CEP295: variants seen among roughly 807,000 people sequenced by gnomAD.
CEP295 encodes the protein centrosomal protein of 295 kDa.
Under a neutral mutation model 291.6 loss-of-function variants are expected in CEP295, and 190 were observed. That is an observed-to-expected ratio of 0.65 (90% CI 0.58 to 0.73). The LOEUF (loss-of-function observed/expected upper bound fraction) is 0.73, where lower values mean the gene tolerates loss of function less well. CEP295 is among the 30% of genes least tolerant of loss of function. CEP295 has a pLI of 0.00. For synonymous variants in CEP295, 993 were observed against 1,038.8 expected, an observed-to-expected ratio of 0.96 and a Z score of 0.85; for missense variants, 2,863 against 2,949.4, an observed-to-expected ratio of 0.97 and a Z score of 0.68.
Position 93,697,062 on chromosome 11 carries a change from A to G in CEP295, c.2150A>G (p.Glu717Gly). 1 of 1,551,658 alleles carries G rather than the reference A, an allele frequency of 6.4e-7. No homozygotes were observed. Among genetic ancestry groups the G allele is most frequent in the Non-Finnish European group, 8.7e-7 (1 of 1,146,996 alleles). ...CATCTAAGGCAATTCTCTCAGACTG[A>G]AACACAACAGAGAGACTATAAATTG... is the stretch of plus-strand genomic sequence containing the variant. ...QEHLRQFSQT[E>G]TQQRDYKLVP... Residue 717 changes from glutamate to glycine, a missense_variant, in exon 15 of 30, where the codon GAA (glutamate) becomes GGA (glycine). Physicochemically the swap from Glu to Gly is moderately conservative, Grantham distance 98. Coordinates refer to ENST00000325212, the MANE Select transcript of CEP295 (RefSeq NM_033395.2).
At chr11:93,726,334 A>G (rs1421000074) in intron 23 of CEP295, among the ~76,000 whole-genome samples, 1 of 152,168 alleles carries the variant, frequency 6.6e-6, no homozygotes, top group East Asian at 1.9e-4. Flanking sequence ...GGGTTTCACT[A>G]TGTTGGTCAG....
Position 93,721,408 on chromosome 11 carries a change from ATAAGGTTAG to A in CEP295, c.5850_5850+8del. 6.3e-7 allele frequency: 1 copy of A among 1,580,100 alleles called. No individual in the cohort carries two copies. The highest frequency in any genetic ancestry group is 8.7e-7 in the Non-Finnish European group (1 of 1,150,594). ...TTGGGTCCAACTGTGAAGCCAGATG[ATAAGGTTAG>A]TAATGTCTTAATGTTCACTCGATTT... On this transcript the variant is annotated splice_donor_variant and splice_donor_5th_base_variant and coding_sequence_variant and intron_variant, in exon 19 of 30. Transcript: ENST00000325212. LOFTEE classifies it high-confidence loss of function.
rs1253308906 is a variant in CEP295, at chr11:93,698,648, G to A, written c.3736G>A (p.Val1246Ile). ...IPRCQERLLR[V>I]SQHMLPLQDN... Reference sequence around the variant, plus strand: ...AAGATGTCAGGAAAGACTTTTGAGAGTTTCACAACATATGCTACCTCTACA... The same window carrying A: ...AAGATGTCAGGAAAGACTTTTGAGAATTTCACAACATATGCTACCTCTACA... Residue 1246 changes from valine to isoleucine, a missense_variant, in exon 15 of 30, where the codon GTT (valine) becomes ATT (isoleucine). Transcript: ENST00000325212. The A allele has an allele frequency of 6.4e-7, 1 of 1,550,796 alleles. No individual in the cohort carries two copies. Among genetic ancestry groups the A allele is most frequent in the Non-Finnish European group, 8.7e-7 (1 of 1,147,104 alleles).
rs1952258393 is a variant in CEP295 at position 93,702,835 on chromosome 11, A to G, written c.5512A>G (p.Lys1838Glu). ...CTCAAAGCCACCTGTAGCAAAAGTC[A>G]AATGTGGTTTGGACTTAAACCAGCA... ...RSSKPPVAKV[K>E]CGLDLNQHEL... The change falls in exon 17 of 30, where the codon AAA becomes GAA. Residue 1838 changes from lysine (K) to glutamate (E), a missense_variant. Coordinates refer to ENST00000325212, the MANE Select transcript of CEP295 (RefSeq NM_033395.2). 6.4e-7 allele frequency: 1 copy of G among 1,551,890 alleles called. No individual in the cohort carries two copies.
intron 22 of CEP295, among the ~76,000 whole-genome samples, chr11:93,725,169 C>A: frequency 6.6e-6 from 1 of 151,842 alleles, no homozygotes; most frequent in African/African-American, 2.4e-5. Context: ...ACCGCTTGAA[C>A]CTGGGAGGCA....
chr11:93,699,437 C>T lies in CEP295; in HGVS notation c.4525C>T (p.Gln1509Ter), dbSNP rs1477355883. ...TCACCATGGTGATTTGCAGGCACTT[C>T]AACAGCAGTTAGATACACAGAAGAA... ...QSHHGDLQAL[Q>*]QQLDTQKKAI... The change falls in exon 15 of 30, where the codon CAA (glutamine) becomes TAA (stop). Residue 1509 changes from glutamine to a stop codon, truncating the protein, a stop_gained. Coordinates refer to ENST00000325212, the MANE Select transcript of CEP295 (RefSeq NM_033395.2). LOFTEE classifies it high-confidence loss of function. 6.4e-7 allele frequency: 1 copy of T among 1,551,578 alleles called. No homozygotes were observed. The highest frequency in any genetic ancestry group is 2.0e-5 in the Admixed American group (1 of 50,974).
At position 93,698,269 on chromosome 11, in the gene CEP295, G is replaced by A. The variant is rs1449096098; in HGVS notation, c.3357G>A (p.Glu1119=). 3 of 1,551,844 alleles carry A rather than the reference G, an allele frequency of 1.9e-6. No homozygotes were observed. The highest frequency in any genetic ancestry group is 2.0e-5 in the Admixed American group (1 of 51,000). ...SVASQASAKA[E]PRRIQELYLS... The stretch of plus-strand genomic sequence containing the variant: ...CTTCACAAGCTTCTGCTAAAGCTGA[G>A]CCTAGGAGAATTCAGGAGCTTTATT... Residue 1119 remains glutamate (E), a synonymous_variant, in exon 15 of 30, where the codon GAG becomes GAA. Coordinates refer to ENST00000325212, the MANE Select transcript of CEP295 (RefSeq NM_033395.2).
At chr11:93,701,828 T>A (rs1347733537) in intron 15 of CEP295, among the ~76,000 whole-genome samples, 1 of 152,080 alleles carries the variant, frequency 6.6e-6, no homozygotes, top group Admixed American at 6.6e-5. Context: ...GGTTTCAATC[T>A]CCTGACATCA....
chr11:93,663,421 C>T (rs1172651465), intron 1 of CEP295, among the ~76,000 whole-genome samples: 5 of 152,176 alleles, frequency 3.3e-5, no homozygotes, highest in South Asian at 4.1e-4. Context: ...CCCATCTTAG[C>T]GTCTGCTTTT....
chr11:93,667,575 T>G, intron 2 of CEP295, 32 bp from the exon 3 acceptor site: 6 of 1,462,834 alleles, frequency 4.1e-6, no homozygotes, highest in Non-Finnish European at 5.5e-6. Context: ...TAAACCTCCT[T>G]TCATATAACC....
rs548177526 is a variant in CEP295, at chr11:93,721,009, T to C, written c.5750-303T>C. On this transcript the variant is annotated intron_variant, in intron 18 of 29. Coordinates refer to ENST00000325212, the MANE Select transcript of CEP295 (RefSeq NM_033395.2). Reference sequence around the variant, plus strand: ...CCACTTAAAACAGTGGCAAAAGCATTTCTCATCACACTGGTTCTTTTCTAG... The same window carrying C: ...CCACTTAAAACAGTGGCAAAAGCATCTCTCATCACACTGGTTCTTTTCTAG... Among the ~76,000 whole-genome samples, 17 of 152,376 alleles carry C rather than the reference T, an allele frequency of 1.1e-4. No homozygotes were observed. In the South Asian group the frequency reaches 2.1e-3, roughly 19 times the overall value.
chr11:93,699,736 T>C lies in CEP295; in HGVS notation c.4824T>C (p.Asp1608=). ...PQQDNMTAQL[D]AQREVMYSYE... is the part of the protein sequence containing the mutation. Reference sequence around the variant, plus strand: ...AAGATAATATGACAGCACAATTGGATGCACAAAGGGAAGTGATGTATTCTT... The same window carrying C: ...AAGATAATATGACAGCACAATTGGACGCACAAAGGGAAGTGATGTATTCTT... Residue 1608 remains aspartate (D), a synonymous_variant, in exon 15 of 30, where the codon GAT becomes GAC. Transcript: ENST00000325212. The C allele has an allele frequency of 6.4e-7, 1 of 1,551,902 alleles. No homozygotes were observed. Among genetic ancestry groups the C allele is most frequent in the Non-Finnish European group, 8.7e-7 (1 of 1,147,020 alleles).
intron 18 of CEP295, among the ~76,000 whole-genome samples, chr11:93,708,255 C>A (rs933083761): frequency 1.5e-4 from 23 of 152,216 alleles, no homozygotes; most frequent in African/African-American, 5.5e-4. Flanking sequence ...TGCTATCTAA[C>A]TGCTTATTTG....
rs1188006937 is a variant in CEP295, at chr11:93,723,113, T to C, written c.6020T>C (p.Ile2007Thr). 1 of 1,551,690 alleles carries C rather than the reference T, an allele frequency of 6.4e-7. No individual in the cohort carries two copies. Among genetic ancestry groups the C allele is most frequent in the South Asian group, 1.2e-5 (1 of 84,054 alleles). ...AGTAAAGAAGAGGAAACAAATATTA[T>C]AAGTTCCATAGTTCCTTCAACACAA... ...TTSKEEETNI[I>T]SSIVPSTQDI... The change falls in exon 21 of 30, where the codon ATA (isoleucine) becomes ACA (threonine). Residue 2007 changes from isoleucine (I) to threonine (T), a missense_variant. Physicochemically the swap from Ile to Thr is moderately conservative, Grantham distance 89. This residue lies in a region of CEP295 where 2,295 missense variants were observed against 2,335.7 expected (regional missense o/e 0.98). Coordinates refer to ENST00000325212, the MANE Select transcript of CEP295 (RefSeq NM_033395.2).
At chr11:93,675,737 A>G (rs1195633950) in intron 6 of CEP295, 71 bp downstream of exon 6, 7 of 794,262 alleles carry the variant, frequency 8.8e-6, no homozygotes, top group Non-Finnish European at 1.4e-5. Context: ...ATTATATCTT[A>G]GTTATATGTA....
intron 6 of CEP295, among the ~76,000 whole-genome samples, chr11:93,677,808 A>T (rs1265346531): frequency 6.6e-6 from 1 of 152,204 alleles, no homozygotes; most frequent in Non-Finnish European, 1.5e-5. Context: ...GATGTACAAG[A>T]TTCAGAAATG....
chr11:93,697,305 T>C lies in CEP295; in HGVS notation c.2393T>C (p.Leu798Pro). 1 of 1,551,800 alleles carries C rather than the reference T, an allele frequency of 6.4e-7. No individual in the cohort carries two copies. The change falls in exon 15 of 30, where the codon CTG (leucine) becomes CCG (proline). Residue 798 changes from leucine to proline, a missense_variant. Physicochemically the swap from Leu to Pro is moderately conservative, Grantham distance 98. Transcript: ENST00000325212. ...GTACCTCAGCATTCTTTTAGTTCTC[T>C]GCCTGTTAAAGTTGAGTCAGGAAAA... ...PLVPQHSFSS[L>P]PVKVESGKIQ...
chr11:93,689,159 C>T (rs1951391813), intron 10 of CEP295, among the ~76,000 whole-genome samples: 1 of 152,232 alleles, frequency 6.6e-6, no homozygotes, highest in Non-Finnish European at 1.5e-5. Context: ...TCAGCCTTTG[C>T]ACCTCCCTGT....
intron 10 of CEP295, among the ~76,000 whole-genome samples, chr11:93,688,861 T>A (rs1231198884): frequency 6.6e-6 from 1 of 152,198 alleles, no homozygotes; most frequent in Non-Finnish European, 1.5e-5. Flanking sequence ...CTTAAATTTC[T>A]TCAGAAGTGA....
Sources: allele counts gnomAD v4.1 joint callset (sites outside exome capture counted in the v4.1 genomes callset), GRCh38; gene constraint gnomAD v4.1.1; regional missense constraint gnomAD v4.1.1; transcripts MANE v1.5; gene names NCBI Gene and HGNC (gene_info 2026-07-23, HGNC 2026-07-21).